Variants in ZSWIM6 observed in about 807,000 individuals in gnomAD.
ZSWIM6 encodes the protein zinc finger SWIM domain-containing protein 6.
A neutral mutation model predicts 113.2 loss-of-function variants in ZSWIM6; 9 were observed. That is an observed-to-expected ratio of 0.08 (90% CI 0.05 to 0.14). The LOEUF (loss-of-function observed/expected upper bound fraction) is 0.14. ZSWIM6 is among the 10% of genes least tolerant of loss of function. The pLI is 1.00. For synonymous variants in ZSWIM6, 611 were observed against 606.5 expected, an observed-to-expected ratio of 1.01 and a Z score of -0.11; for missense variants, 1,162 against 1,552.2, an observed-to-expected ratio of 0.75 and a Z score of 4.22.
chr5:61,347,725 CTG>C (rs1744689839), intron 1 of ZSWIM6: 1 of 152,264 alleles, frequency 6.6e-6, no homozygotes, highest in Non-Finnish European at 1.5e-5. Context: ...AAAGAGAAAA[CTG>C]TATTGTTTGT....
At chr5:61,351,836 T>C (rs1384379070) in intron 1 of ZSWIM6, among the ~76,000 whole-genome samples, 2 of 152,190 alleles carry the variant, frequency 1.3e-5, no homozygotes, top group Non-Finnish European at 2.9e-5. Context: ...TTAAAAAAAT[T>C]TTATATGCTA....
chr5:61,450,820 A>G (rs1358870692), intron 1 of ZSWIM6, among the ~76,000 whole-genome samples: 1 of 152,186 alleles, frequency 6.6e-6, no homozygotes, highest in African/African-American at 2.4e-5. Flanking sequence ...AGAAATAAAT[A>G]AGTGAGTATA....
At chr5:61,348,523 A>G (rs1171403210) in intron 1 of ZSWIM6, among the ~76,000 whole-genome samples, 1 of 152,234 alleles carries the variant, frequency 6.6e-6, no homozygotes, top group Non-Finnish European at 1.5e-5. Context: ...TGTAATCTGT[A>G]AAAAGTTCAG....
At chr5:61,383,191 C>T (rs984853081) in intron 1 of ZSWIM6, among the ~76,000 whole-genome samples, 1 of 152,180 alleles carries the variant, frequency 6.6e-6, no homozygotes, top group African/African-American at 2.4e-5. Flanking sequence ...TTTTCAGATA[C>T]CCTGTATTTT....
At chr5:61,531,773 G>A in intron 9 of ZSWIM6, 48 bp downstream of exon 9, 19 of 1,536,088 alleles carry the variant, frequency 1.2e-5, no homozygotes, top group Non-Finnish European at 1.6e-5. Flanking sequence ...TTTGACTTAG[G>A]TGCTAATCTT....
At chr5:61,437,022 T>C (rs899680704) in intron 1 of ZSWIM6, among the ~76,000 whole-genome samples, 1 of 152,190 alleles carries the variant, frequency 6.6e-6, no homozygotes, top group Non-Finnish European at 1.5e-5. Context: ...ACTGAGAGTA[T>C]GAGCATCTGC....
At chr5:61,399,600 A>G (rs1433432627) in intron 1 of ZSWIM6, among the ~76,000 whole-genome samples, 1 of 152,230 alleles carries the variant, frequency 6.6e-6, no homozygotes, top group Non-Finnish European at 1.5e-5. Flanking sequence ...TAGTGGGGAC[A>G]CATGTACAGT....
At position 61,342,695 on chromosome 5, in the gene ZSWIM6, A is replaced by G. The variant is rs369829695; in HGVS notation, c.676+9747A>G. On this transcript the variant is annotated intron_variant, in intron 1 of 13. Transcript: ENST00000252744. Reference sequence around the variant, plus strand: ...CATTTTAAAATGTTATTTTTTTCCAATTGAGAGGATTTATTTAAAAATCAT... The same window carrying G: ...CATTTTAAAATGTTATTTTTTTCCAGTTGAGAGGATTTATTTAAAAATCAT... Among the ~76,000 whole-genome samples, 3 of 152,116 alleles carry G rather than the reference A, an allele frequency of 2.0e-5. No individual in the cohort carries two copies. In the South Asian group the frequency reaches 6.2e-4, roughly 31 times the overall value.
intron 1 of ZSWIM6, among the ~76,000 whole-genome samples, chr5:61,370,075 T>G (rs766161072): frequency 2.0e-5 from 3 of 152,228 alleles, no homozygotes; most frequent in Non-Finnish European, 4.4e-5. Flanking sequence ...CTAAGTGAGA[T>G]CATAACCATT....
At chr5:61,353,674 C>G (rs1461503295) in intron 1 of ZSWIM6, among the ~76,000 whole-genome samples, 1 of 152,128 alleles carries the variant, frequency 6.6e-6, no homozygotes, top group East Asian at 1.9e-4. Flanking sequence ...CTTCTTGTTC[C>G]TTGGAGCTGA....
intron 1 of ZSWIM6, among the ~76,000 whole-genome samples, chr5:61,452,010 T>G (rs1747095498): frequency 1.1e-4 from 17 of 152,168 alleles, no homozygotes; most frequent in Admixed American, 9.2e-4. Context: ...CTACTCAACC[T>G]TAACAATGTA....
At chr5:61,411,873 A>G (rs1746154104) in intron 1 of ZSWIM6, among the ~76,000 whole-genome samples, 1 of 152,230 alleles carries the variant, frequency 6.6e-6, no homozygotes, top group African/African-American at 2.4e-5. Context: ...GAGGATTTCA[A>G]CATATGAATT....
At chr5:61,383,539 T>G (rs1745527420) in intron 1 of ZSWIM6, among the ~76,000 whole-genome samples, 1 of 152,090 alleles carries the variant, frequency 6.6e-6, no homozygotes, top group African/African-American at 2.4e-5. Context: ...AGAAGAACTT[T>G]CTCTTTTTTT....
At chr5:61,517,323 G>A (rs1334510616) in intron 4 of ZSWIM6, among the ~76,000 whole-genome samples, 1 of 151,936 alleles carries the variant, frequency 6.6e-6, no homozygotes, top group Non-Finnish European at 1.5e-5. Context: ...ATGCCTAGTT[G>A]TTTTTCTCTC....
chr5:61,428,537 C>T (rs1364206549), intron 1 of ZSWIM6, among the ~76,000 whole-genome samples: 1 of 103,352 alleles, frequency 9.7e-6, no homozygotes, highest in African/African-American at 6.3e-5. Flanking sequence ...TAACTTAAAA[C>T]AATTTTTTTT....
chr5:61,451,272 A>G (rs1339650786), intron 1 of ZSWIM6, among the ~76,000 whole-genome samples: 1 of 152,230 alleles, frequency 6.6e-6, no homozygotes, highest in East Asian at 1.9e-4. Flanking sequence ...CCAATGTCAG[A>G]GTAATTCAAC....
intron 2 of ZSWIM6, among the ~76,000 whole-genome samples, chr5:61,488,893 T>C (rs1175940698): frequency 6.6e-6 from 1 of 152,080 alleles, no homozygotes; most frequent in Non-Finnish European, 1.5e-5. Flanking sequence ...AATGTTGAAA[T>C]TGATGCATAT....
intron 1 of ZSWIM6, among the ~76,000 whole-genome samples, chr5:61,408,110 G>T (rs1746078973): frequency 6.6e-6 from 1 of 152,192 alleles, no homozygotes; most frequent in Non-Finnish European, 1.5e-5. Flanking sequence ...CTGCTAAATT[G>T]TGGAATTCCA....
chr5:61,529,249 G>C (rs1302661536), intron 7 of ZSWIM6, among the ~76,000 whole-genome samples: 1 of 152,174 alleles, frequency 6.6e-6, no homozygotes, highest in African/African-American at 2.4e-5. Context: ...TATTACTTTA[G>C]TAAACACTTA....
Sources: gnomAD v4.1 joint callset for allele counts (sites outside exome capture counted in the v4.1 genomes callset) on GRCh38, gnomAD v4.1.1 for gene constraint, MANE v1.5 for transcripts, NCBI Gene and HGNC (gene_info 2026-07-23, HGNC 2026-07-21) for gene names.